CHN2: variants seen among roughly 807,000 people sequenced by gnomAD.
The protein encoded by CHN2 is chimerin 2, also known as beta-chimaerin.
CHN2 carries 35 observed loss-of-function variants against 56.3 expected under a neutral mutation model. That is an observed-to-expected ratio of 0.62 (90% CI 0.47 to 0.82). The LOEUF (loss-of-function observed/expected upper bound fraction) is 0.82, where lower values mean the gene tolerates loss of function less well. Ranked by LOEUF, CHN2 falls within the 40% of genes least tolerant of loss-of-function variation. The probability of loss-of-function intolerance (pLI) is 0.00; values close to 1 mark genes in which losing one functional copy is unlikely to be tolerated. For synonymous variants in CHN2, 210 were observed against 212.8 expected, an observed-to-expected ratio of 0.99 and a Z score of 0.12; for missense variants, 491 against 580.5, an observed-to-expected ratio of 0.85 and a Z score of 1.58.
At chr7:29,410,814 T>G (rs1803135688) in intron 6 of CHN2, among the ~76,000 whole-genome samples, 1 of 152,162 alleles carries the variant, frequency 6.6e-6, no homozygotes, top group South Asian at 2.1e-4. Flanking sequence ...AAAGTTGAAC[T>G]TTTGATTTAT....
chr7:29,234,864 G>C (rs1293687977), intron 1 of CHN2, among the ~76,000 whole-genome samples: 2 of 152,142 alleles, frequency 1.3e-5, no homozygotes, highest in Non-Finnish European at 1.5e-5. Context: ...TTTTCCCAAG[G>C]TCTCATTTGT....
At chr7:29,304,825 G>A (rs531185259) in intron 1 of CHN2, among the ~76,000 whole-genome samples, 4 of 152,324 alleles carry the variant, frequency 2.6e-5, no homozygotes, top group African/African-American at 9.6e-5. Context: ...CTCTTGAATG[G>A]TTTAAATAAG....
intron 1 of CHN2, among the ~76,000 whole-genome samples, chr7:29,265,957 A>G (rs1227932064): frequency 6.6e-6 from 1 of 152,210 alleles, no homozygotes; most frequent in African/African-American, 2.4e-5. Context: ...AGTCTCAGCT[A>G]CTCAGTAGGC....
chr7:29,215,179 T>C (rs1457104739), intron 1 of CHN2, among the ~76,000 whole-genome samples: 1 of 152,196 alleles, frequency 6.6e-6, no homozygotes, highest in Non-Finnish European at 1.5e-5. Context: ...TTAAATATTT[T>C]AGTTCAAACT....
intron 6 of CHN2, among the ~76,000 whole-genome samples, chr7:29,453,815 G>T (rs1052934979): frequency 5.9e-5 from 9 of 152,168 alleles, no homozygotes; most frequent in African/African-American, 1.9e-4. Flanking sequence ...AGATTCACTC[G>T]GGTCCTTTGG....
At chr7:29,455,252 C>G (rs1784665108) in intron 6 of CHN2, among the ~76,000 whole-genome samples, 1 of 152,162 alleles carries the variant, frequency 6.6e-6, no homozygotes, top group Admixed American at 6.5e-5. Flanking sequence ...TCATGGTGTT[C>G]CAAGATTGCC....
chr7:29,409,666 T>C (rs1803013137), intron 6 of CHN2, among the ~76,000 whole-genome samples: 1 of 152,188 alleles, frequency 6.6e-6, no homozygotes, highest in Non-Finnish European at 1.5e-5. Flanking sequence ...AAATATATAC[T>C]AGACCACAAT....
At chr7:29,420,612 ATG>A (rs912338295) in intron 6 of CHN2, among the ~76,000 whole-genome samples, 1 of 152,204 alleles carries the variant, frequency 6.6e-6, no homozygotes, top group Non-Finnish European at 1.5e-5. Flanking sequence ...CAGCAACAGA[ATG>A]TGAAATGCAG....
At chr7:29,213,684 T>C (rs1012195357) in intron 1 of CHN2, among the ~76,000 whole-genome samples, 2 of 152,188 alleles carry the variant, frequency 1.3e-5, no homozygotes, top group African/African-American at 4.8e-5. Flanking sequence ...TCCTCACCTT[T>C]TTTGGTTCTG....
intron 1 of CHN2, among the ~76,000 whole-genome samples, chr7:29,231,022 A>G (rs1189440499): frequency 6.6e-6 from 1 of 152,220 alleles, no homozygotes; most frequent in African/African-American, 2.4e-5. Context: ...GTCTGTGATC[A>G]CACAGCCAGG....
intron 12 of CHN2, among the ~76,000 whole-genome samples, chr7:29,510,218 G>A (rs1791141547): frequency 6.6e-6 from 1 of 152,158 alleles, no homozygotes. Flanking sequence ...TTATCTCATA[G>A]TTTCTAAGGG....
At chr7:29,286,057 C>T (rs1409161489) in intron 1 of CHN2, among the ~76,000 whole-genome samples, 1 of 152,168 alleles carries the variant, frequency 6.6e-6, no homozygotes, top group African/African-American at 2.4e-5. Context: ...TCTCTGCCTT[C>T]CCAAGCCAGG....
intron 1 of CHN2, among the ~76,000 whole-genome samples, chr7:29,265,048 A>G (rs1391418729): frequency 6.6e-6 from 1 of 152,144 alleles, no homozygotes; most frequent in African/African-American, 2.4e-5. Context: ...GCCTTTGGGC[A>G]ACTTTATGTT....
intron 1 of CHN2, 105 bp downstream of exon 1, chr7:29,195,095 C>T: frequency 7.8e-7 from 1 of 1,285,126 alleles, no homozygotes; most frequent in South Asian, 1.4e-5. Flanking sequence ...ATCCCGCCCG[C>T]TCTCTCGGAA....
chr7:29,509,478 C>T, intron 12 of CHN2, 72 bp downstream of exon 12: 1 of 1,145,108 alleles, frequency 8.7e-7, no homozygotes, highest in Admixed American at 1.8e-5. Context: ...AAGTGGACGG[C>T]ATTCCTCCCC....
intron 3 of CHN2, among the ~76,000 whole-genome samples, chr7:29,392,767 G>T: frequency 6.6e-6 from 1 of 152,146 alleles, no homozygotes; most frequent in South Asian, 2.1e-4. Context: ...TGTGAAAACT[G>T]TCCATTTGAC....
chr7:29,434,015 A>G (rs1026995502), intron 6 of CHN2, among the ~76,000 whole-genome samples: 1 of 152,146 alleles, frequency 6.6e-6, no homozygotes, highest in African/African-American at 2.4e-5. Flanking sequence ...CTGGATGTGC[A>G]CCAACCTCTG....
At chr7:29,252,584 T>TTTTTTTTGTTTTTTTTTG (rs1554378160) in intron 1 of CHN2, among the ~76,000 whole-genome samples, 1 of 22,426 alleles carries the variant, frequency 4.5e-5, no homozygotes, top group Non-Finnish European at 7.3e-5. Context: ...CTTTGTTTTT[T>TTTTTTTTGTTTTTTTTTG]TTTTTTTTTT....
intron 1 of CHN2, among the ~76,000 whole-genome samples, chr7:29,220,151 A>G (rs1422701071): frequency 6.6e-6 from 1 of 151,942 alleles, no homozygotes; most frequent in Non-Finnish European, 1.5e-5. Flanking sequence ...GAATCTAGAA[A>G]ATAATCAGCA....
Sources: gnomAD v4.1 joint callset for allele counts (sites outside exome capture counted in the v4.1 genomes callset) on GRCh38, gnomAD v4.1.1 for gene constraint, MANE v1.5 for transcripts, NCBI Gene and HGNC (gene_info 2026-07-23, HGNC 2026-07-21) for gene names.